The following CROCC2 variants were observed in gnomAD, a reference collection of about 807,000 sequenced individuals.
CROCC2 encodes ciliary rootlet coiled-coil protein 2.
In CROCC2, 163 loss-of-function variants were observed where a neutral mutation model predicts 177.6. That is an observed-to-expected ratio of 0.92 (90% confidence interval 0.81 to 1.05). CROCC2 has a LOEUF of 1.05. CROCC2 is among the 50% of genes least tolerant of loss of function. The probability of loss-of-function intolerance (pLI) is 0.00; values close to 1 mark genes in which losing one functional copy is unlikely to be tolerated. For missense variants in CROCC2, 1,929 were observed against 1,797.8 expected, an observed-to-expected ratio of 1.07 and a Z score of -1.32; for synonymous variants, 904 against 787.3, an observed-to-expected ratio of 1.15 and a Z score of -2.48.
chr2:240,957,881 T>C (rs952876744), intron 19 of CROCC2: 2 of 709,964 alleles, frequency 2.8e-6, no homozygotes, highest in Non-Finnish European at 3.5e-6. Flanking sequence ...GCCCAGCAGC[T>C]CTCTTGGCTC....
chr2:240,912,142 A>C lies in CROCC2; in HGVS notation c.78+5551A>C, dbSNP rs116019678. On this transcript the variant is annotated intron_variant, in intron 1 of 31. Coordinates refer to ENST00000690015, the MANE Select transcript of CROCC2 (RefSeq NM_001351305.2). ...CTGACGTACGCACTTCCCTCCAGGC[A>C]AGGTTTATCTGTCTGTACTGTTGTT... is the stretch of plus-strand genomic sequence containing the variant. 6.6e-3 allele frequency among the ~76,000 whole-genome samples: 1,001 copies of C among 152,250 alleles called. 7 individuals carry two copies. Among genetic ancestry groups the C allele is most frequent in the South Asian group, 0.022 (106 of 4,820 alleles).
chr2:240,991,401 C>T, intron 31 of CROCC2, 123 bp downstream of exon 31: 1 of 804,736 alleles, frequency 1.2e-6, no homozygotes, highest in Non-Finnish European at 1.9e-6. Flanking sequence ...GTTGGGAAAA[C>T]CAATGCCTTG....
At chr2:240,916,990 A>T (rs1260835130) in intron 1 of CROCC2, among the ~76,000 whole-genome samples, 1 of 152,038 alleles carries the variant, frequency 6.6e-6, no homozygotes, top group Non-Finnish European at 1.5e-5. Flanking sequence ...GCCCAGGAGG[A>T]GGAGCAGGGA....
intron 1 of CROCC2, among the ~76,000 whole-genome samples, chr2:240,915,702 C>T (rs896390955): frequency 8.5e-5 from 13 of 152,150 alleles, no homozygotes; most frequent in African/African-American, 3.1e-4. Context: ...AGTGAGGACC[C>T]GCTGGCTCTC....
intron 28 of CROCC2, among the ~76,000 whole-genome samples, chr2:240,988,476 T>C (rs2059855217): frequency 6.6e-6 from 1 of 152,192 alleles, no homozygotes; most frequent in South Asian, 2.1e-4. Context: ...ATTGAGGATG[T>C]TGATGGGGCC....
At chr2:240,950,251 C>T (rs903306810) in intron 17 of CROCC2, 83 bp from the exon 18 acceptor site, 32 of 1,382,278 alleles carry the variant, frequency 2.3e-5, no homozygotes, top group East Asian at 2.5e-5. Flanking sequence ...TGGCATCCCA[C>T]GGGCCAGGTC....
intron 20 of CROCC2, among the ~76,000 whole-genome samples, chr2:240,961,786 C>A (rs1318592937): frequency 1.4e-5 from 2 of 141,202 alleles, no homozygotes; most frequent in Admixed American, 7.2e-5. Context: ...ACTCATCACA[C>A]ACACGCACTC....
rs867667487 is a variant in CROCC2, at chr2:240,958,025, C to G, written c.2944-1276C>G. 4.1e-6 allele frequency: 4 copies of G among 985,250 alleles called. No individual in the cohort carries two copies. Among genetic ancestry groups the G allele is most frequent in the Non-Finnish European group, 4.8e-6 (4 of 829,916 alleles). 61.0% of individuals were successfully genotyped at this position (985,250 alleles called of 1,614,324 possible). ...TCTTGAGCTGGCCCTGAGTCTCCCC[C>G]GGACTCGGTACCAGGCCTGCCAGCC... On this transcript the variant is annotated intron_variant, in intron 19 of 31. Coordinates refer to ENST00000690015, the MANE Select transcript of CROCC2 (RefSeq NM_001351305.2). This position sits in a 1 kb window ranked among gnomAD's most constrained non-coding sequence, Gnocchi z 6.7.
At chr2:240,990,420 C>T (rs1049827387) in intron 30 of CROCC2, among the ~76,000 whole-genome samples, 3 of 152,198 alleles carry the variant, frequency 2.0e-5, no homozygotes, top group African/African-American at 7.2e-5. Flanking sequence ...GACCTTAGAG[C>T]TGTCTGTTCA....
At chr2:240,983,623 G>A (rs534365703) in intron 28 of CROCC2, 1 of 1,285,028 alleles carries the variant, frequency 7.8e-7, no homozygotes, top group Admixed American at 2.3e-5. Flanking sequence ...GGAGCTCCTG[G>A]CTGGGGTCCG....
At chr2:240,929,662 G>A (rs1199750827) in intron 5 of CROCC2, 2 of 455,886 alleles carry the variant, frequency 4.4e-6, no homozygotes, top group Non-Finnish European at 4.4e-6. Context: ...CGAAGTGCCA[G>A]ACCAACACCT....
intron 20 of CROCC2, chr2:240,959,674 G>A (rs2059618263): frequency 4.2e-6 from 2 of 476,344 alleles, no homozygotes; most frequent in South Asian, 4.4e-5. Flanking sequence ...CAGATGAAAT[G>A]GTGCCTGGCC....
At chr2:240,937,961 C>T (rs2059479622) in intron 14 of CROCC2, among the ~76,000 whole-genome samples, 2 of 152,226 alleles carry the variant, frequency 1.3e-5, no homozygotes, top group South Asian at 4.1e-4. Flanking sequence ...CTTCTCCCTT[C>T]ACCTTCCGCC....
At position 240,935,008 on chromosome 2, in the gene CROCC2, C is replaced by T. The variant is rs148044754; in HGVS notation, c.1884C>T (p.Ala628=). The change falls in exon 13 of 32, where the codon GCC becomes GCT. Residue 628 remains alanine (A), a synonymous_variant. Transcript: ENST00000690015. ...EQRDSLAAMA[A]LMEGLAQDKS... ...GGGACTCCCTGGCCGCAATGGCCGC[C>T]TTGATGGAGGGGTTGGCTCAGGACA... 1.4e-6 allele frequency: 2 copies of T among 1,438,086 alleles called. No individual in the cohort carries two copies. Among genetic ancestry groups the T allele is most frequent in the Non-Finnish European group, 1.8e-6 (2 of 1,093,422 alleles). The allele number at this position is 1,438,086 out of a possible 1,614,324, so 89.1% of individuals were successfully genotyped here.
At position 240,933,166 on chromosome 2, in the gene CROCC2, G is replaced by A; in HGVS notation, c.1287G>A (p.Leu429=). The A allele has an allele frequency of 6.5e-7, 1 of 1,550,072 alleles. No homozygotes were observed. The highest frequency in any genetic ancestry group is 8.7e-7 in the Non-Finnish European group (1 of 1,146,808). The change falls in exon 10 of 32, where the codon CTG becomes CTA. Residue 429 remains leucine, a synonymous_variant. Coordinates refer to ENST00000690015, the MANE Select transcript of CROCC2 (RefSeq NM_001351305.2). ...TGCAGCTGAAGTCCTCCCAGGCACT[G>A]GTGGCCAGTCTCCAGGAGCAGCTGT... The part of the protein sequence containing the change: ...LCLQLKSSQA[L]VASLQEQLSE...
At chr2:240,915,218 G>A (rs947180218) in intron 1 of CROCC2, among the ~76,000 whole-genome samples, 7 of 152,334 alleles carry the variant, frequency 4.6e-5, no homozygotes, top group African/African-American at 1.7e-4. Context: ...ATGGGGAAGG[G>A]GTGTAAGAGG....
rs2059391788 is a variant in CROCC2, at chr2:240,925,773, C to T, written c.538C>T (p.His180Tyr). 2.8e-6 allele frequency: 2 copies of T among 717,080 alleles called. No homozygotes were observed. The highest frequency in any genetic ancestry group is 5.2e-6 in the Non-Finnish European group (2 of 384,954). 44.4% of individuals were successfully genotyped at this position (717,080 alleles called of 1,614,324 possible). Reference protein sequence around the residue: ...VNALLREQLEHMKKANDALGR... With the variant: ...VNALLREQLEYMKKANDALGR... Reference sequence around the variant, plus strand: ...CGCGCTCCTGCGGGAGCAGCTGGAACATATGAAGAAGGCCAATGACGCGCT... The same window carrying T: ...CGCGCTCCTGCGGGAGCAGCTGGAATATATGAAGAAGGCCAATGACGCGCT... Residue 180 changes from histidine to tyrosine, a missense_variant, in exon 5 of 32, where the codon CAT (histidine) becomes TAT (tyrosine). By Grantham distance (83) the His-to-Tyr change is moderately conservative. Around this residue, in one of 3 missense-constraint regions of CROCC2, gnomAD observed 1,397 missense variants for 1,239.9 expected, o/e 1.13. Transcript: ENST00000690015.
At chr2:240,909,859 G>T (rs894168435) in intron 1 of CROCC2, among the ~76,000 whole-genome samples, 3 of 152,194 alleles carry the variant, frequency 2.0e-5, no homozygotes, top group African/African-American at 7.2e-5. Flanking sequence ...ATGGGCAGCA[G>T]AACCGTAGGG....
chr2:240,934,264 C>G, intron 11 of CROCC2, 67 bp from the exon 12 acceptor site: 3 of 1,513,318 alleles, frequency 2.0e-6, no homozygotes, highest in Non-Finnish European at 2.7e-6. Context: ...GGTCGCCTGC[C>G]TGAAATCCCA....
Sources: gnomAD v4.1 joint callset for allele counts (sites outside exome capture counted in the v4.1 genomes callset) on GRCh38, gnomAD v4.1.1 for gene constraint, gnomAD v4.1.1 regional missense constraint, Gnocchi (gnomAD v3.1) non-coding constraint, MANE v1.5 for transcripts, NCBI Gene and HGNC (gene_info 2026-07-23, HGNC 2026-07-21) for gene names.